HTR3B: variants seen among roughly 807,000 people sequenced by gnomAD.
HTR3B encodes 5-hydroxytryptamine (serotonin) receptor 3B, ionotropic.
HTR3B carries 44 observed loss-of-function variants against 42.8 expected under a neutral mutation model. The ratio of observed to expected loss-of-function variants is 1.03; its 90% CI spans 0.81 to 1.32. HTR3B has a LOEUF of 1.32. Among genes scored for constraint, HTR3B ranks in the 40% most tolerant of loss-of-function variants. HTR3B has a pLI of 0.00. For missense variants in HTR3B, 527 were observed against 536.5 expected, an observed-to-expected ratio of 0.98 and a Z score of 0.17; for synonymous variants, 203 against 209.0, an observed-to-expected ratio of 0.97 and a Z score of 0.25.
the HTR3B span, among the ~76,000 whole-genome samples, chr11:113,899,701 AAACAC>A: frequency 6.6e-6 from 1 of 152,232 alleles, no homozygotes; most frequent in Non-Finnish European, 1.5e-5. Context: ...TTTGCATAAT[AAACAC>A]TTCCTTATTA....
At chr11:113,903,719 C>T (rs376488599), upstream of HTR3B, among the ~76,000 whole-genome samples, 11 of 152,298 alleles carry the variant, frequency 7.2e-5, no homozygotes, top group Admixed American at 2.0e-4. Context: ...TGAGCCACCA[C>T]GCCCAGCTTA....
At chr11:113,899,314 G>T in the HTR3B span, among the ~76,000 whole-genome samples, 1 of 152,160 alleles carries the variant, frequency 6.6e-6, no homozygotes, top group Admixed American at 6.5e-5. Flanking sequence ...CCTCCTCTGT[G>T]GTTAGCTTGA....
chr11:113,933,156 G>A (rs1268351399), intron 6 of HTR3B, 63 bp downstream of exon 6: 97 of 1,528,190 alleles, frequency 6.3e-5, no homozygotes, highest in Non-Finnish European at 2.8e-5. Context: ...TTCTCTCTTG[G>A]GCCAAGGAAT....
chr11:113,944,865 C>G, intron 8 of HTR3B, 110 bp downstream of exon 8: 1 of 958,778 alleles, frequency 1.0e-6, no homozygotes, highest in Non-Finnish European at 1.5e-6. Context: ...AAACCTACAA[C>G]AACTGCTTCT....
Position 113,947,045 on chromosome 11 carries a change from C to T in HTR3B, c.*908C>T, listed in dbSNP as rs575664592. Among the ~76,000 whole-genome samples, 19 of 152,308 alleles carry T rather than the reference C, an allele frequency of 1.2e-4. No individual in the cohort carries two copies. Among genetic ancestry groups the T allele is most frequent in the African/African-American group, 4.6e-4 (19 of 41,572 alleles). ...ACTTCCCAGCTAAGTCCACTGCCTC[C>T]ACCCTCTTCCTGTGCCCCTTCAGCA... On this transcript the variant is annotated 3_prime_UTR_variant, in exon 9 of 9. Transcript: ENST00000260191.
upstream of HTR3B, among the ~76,000 whole-genome samples, chr11:113,902,976 C>T (rs1949705779): frequency 6.6e-6 from 1 of 152,156 alleles, no homozygotes; most frequent in Non-Finnish European, 1.5e-5. Flanking sequence ...TCAAGTGATC[C>T]TCCTGCCTCA....
chr11:113,917,657 CT>C (rs1161837795), intron 2 of HTR3B, among the ~76,000 whole-genome samples: 1 of 152,082 alleles, frequency 6.6e-6, no homozygotes, highest in East Asian at 1.9e-4. Context: ...GTCTCCCAGG[CT>C]GGAGTGCAGC....
chr11:113,909,171 G>A, intron 1 of HTR3B, 124 bp from the exon 2 acceptor site: 1 of 746,950 alleles, frequency 1.3e-6, no homozygotes, highest in Non-Finnish European at 2.3e-6. Context: ...GTGAATTGAT[G>A]CAGATTTTGG....
At chr11:113,928,733 C>T (rs939502438) in intron 2 of HTR3B, among the ~76,000 whole-genome samples, 1 of 152,144 alleles carries the variant, frequency 6.6e-6, no homozygotes, top group Admixed American at 6.6e-5. Flanking sequence ...GACGGGGTTT[C>T]ACCATGATGG....
intron 6 of HTR3B, among the ~76,000 whole-genome samples, chr11:113,940,014 G>A (rs1950121659): frequency 6.6e-6 from 1 of 151,844 alleles, no homozygotes. Context: ...AGCCTCCCGA[G>A]TAGCTGGGAC....
At chr11:113,921,949 G>C (rs1049841790) in intron 2 of HTR3B, among the ~76,000 whole-genome samples, 4 of 152,036 alleles carry the variant, frequency 2.6e-5, no homozygotes, top group Non-Finnish European at 4.4e-5. Context: ...TTTATATTCT[G>C]TCCCTCTAGT....
intron 2 of HTR3B, among the ~76,000 whole-genome samples, chr11:113,929,778 G>T (rs572269157): frequency 1.6e-4 from 25 of 152,206 alleles, no homozygotes; most frequent in African/African-American, 6.0e-4. Flanking sequence ...TGTCACCCAG[G>T]CTGGAGTGCA....
the HTR3B span, among the ~76,000 whole-genome samples, chr11:113,899,420 C>CT: frequency 1.3e-5 from 2 of 152,122 alleles, no homozygotes; most frequent in Non-Finnish European, 2.9e-5. Context: ...TCCATTTCTG[C>CT]TTTTTTCCTC....
intron 2 of HTR3B, 86 bp from the exon 3 acceptor site, chr11:113,931,295 TTTC>T (rs1336042597): frequency 1.1e-6 from 1 of 942,846 alleles, no homozygotes; most frequent in Non-Finnish European, 1.7e-6. Flanking sequence ...TAGATTTGAT[TTTC>T]TTCTTCTGAA....
intron 2 of HTR3B, among the ~76,000 whole-genome samples, chr11:113,926,549 G>T (rs939715667): frequency 8.9e-5 from 7 of 78,440 alleles, no homozygotes; most frequent in Non-Finnish European, 4.7e-5. Context: ...TTCTTTTTCA[G>T]ACAGAGTCTC....
In HTR3B at chr11:113,932,474, T is replaced by C; in HGVS notation, c.538+16T>C. ...CTGCATACAGGTAAACCATGAGAGATACCCATTAATGCTAGGTTGGTGCAC... is the reference window on the plus strand; with the variant it reads ...CTGCATACAGGTAAACCATGAGAGACACCCATTAATGCTAGGTTGGTGCAC... On this transcript the variant is annotated intron_variant, in intron 5 of 8. Coordinates refer to ENST00000260191, the MANE Select transcript of HTR3B (RefSeq NM_006028.5). 1.9e-6 allele frequency: 3 copies of C among 1,597,560 alleles called. No individual in the cohort carries two copies.
intron 2 of HTR3B, among the ~76,000 whole-genome samples, chr11:113,919,923 T>C (rs1288579428): frequency 6.6e-6 from 1 of 152,220 alleles, no homozygotes; most frequent in East Asian, 1.9e-4. Flanking sequence ...GTTACTTTGG[T>C]GTCATTTTCC....
At chr11:113,931,287 G>A (rs1950032526) in intron 2 of HTR3B, 97 bp from the exon 3 acceptor site, 1 of 853,722 alleles carries the variant, frequency 1.2e-6, no homozygotes. Flanking sequence ...TATTTGGTTA[G>A]ATTTGATTTT....
intron 8 of HTR3B, among the ~76,000 whole-genome samples, chr11:113,945,166 G>A (rs1276872796): frequency 6.6e-6 from 1 of 151,958 alleles, no homozygotes; most frequent in African/African-American, 2.4e-5. Flanking sequence ...ACAGAATCTC[G>A]CTCTGTCGCC....
Sources: allele counts gnomAD v4.1 joint callset (sites outside exome capture counted in the v4.1 genomes callset), GRCh38; gene constraint gnomAD v4.1.1; transcripts MANE v1.5; gene names NCBI Gene and HGNC (gene_info 2026-07-23, HGNC 2026-07-21).